SLC9A9: variants seen among roughly 807,000 people sequenced by gnomAD.
The protein encoded by SLC9A9 is sodium/hydrogen exchanger 9.
SLC9A9 carries 62 observed loss-of-function variants against 77.8 expected under a neutral mutation model. The observed-to-expected ratio is 0.80, with a 90% confidence interval of 0.65 to 0.98. SLC9A9 has a LOEUF of 0.98. SLC9A9 is among the 50% of genes least tolerant of loss of function. The pLI is 0.00. For synonymous variants in SLC9A9, 320 were observed against 283.5 expected, an observed-to-expected ratio of 1.13 and a Z score of -1.29; for missense variants, 775 against 774.9, an observed-to-expected ratio of 1.00 and a Z score of 0.00.
intron 6 of SLC9A9, among the ~76,000 whole-genome samples, chr3:143,580,549 G>A (rs1459005861): frequency 6.6e-6 from 1 of 152,034 alleles, no homozygotes. Flanking sequence ...TCAAATTCAG[G>A]AGATTTTATT....
intron 6 of SLC9A9, among the ~76,000 whole-genome samples, chr3:143,641,246 A>G (rs2038615954): frequency 6.6e-6 from 1 of 152,108 alleles, no homozygotes; most frequent in Non-Finnish European, 1.5e-5. Context: ...CCCATGGAAG[A>G]TACTTTACCA....
At chr3:143,377,363 G>A (rs1215105969) in intron 13 of SLC9A9, among the ~76,000 whole-genome samples, 1 of 152,130 alleles carries the variant, frequency 6.6e-6, no homozygotes, top group East Asian at 1.9e-4. Flanking sequence ...ATACTTTGTT[G>A]TGCCCCTTCG....
intron 8 of SLC9A9, among the ~76,000 whole-genome samples, chr3:143,571,692 G>T (rs2037260699): frequency 1.3e-5 from 2 of 151,968 alleles, no homozygotes; most frequent in African/African-American, 4.8e-5. Context: ...GGCTTTGACT[G>T]CCAGAAAGCT....
intron 14 of SLC9A9, among the ~76,000 whole-genome samples, chr3:143,326,926 A>C (rs543363495): frequency 6.6e-6 from 1 of 152,288 alleles, no homozygotes; most frequent in South Asian, 2.1e-4. Context: ...CTATTAGGGG[A>C]CCACTTTCTC....
At chr3:143,355,553 G>T (rs1434436704) in intron 14 of SLC9A9, among the ~76,000 whole-genome samples, 1 of 152,154 alleles carries the variant, frequency 6.6e-6, no homozygotes. Context: ...ATAGCTTCTG[G>T]CCACAGACCA....
intron 2 of SLC9A9, among the ~76,000 whole-genome samples, chr3:143,809,224 T>G (rs2008801259): frequency 6.6e-6 from 1 of 152,240 alleles, no homozygotes; most frequent in African/African-American, 2.4e-5. Context: ...CAGCAGTTTT[T>G]CTGCAAAAAT....
At chr3:143,267,702 G>T (rs1937772677) in intron 15 of SLC9A9, among the ~76,000 whole-genome samples, 1 of 152,170 alleles carries the variant, frequency 6.6e-6, no homozygotes, top group Admixed American at 6.5e-5. Flanking sequence ...TATTTCTTGG[G>T]AAGAGTATCA....
At chr3:143,574,027 A>T in intron 8 of SLC9A9, 61 bp downstream of exon 8, 1 of 1,442,836 alleles carries the variant, frequency 6.9e-7, no homozygotes, top group Non-Finnish European at 9.7e-7. Context: ...AGGGAGGGGC[A>T]CACACCAGAG....
chr3:143,664,094 C>A (rs962121100), intron 5 of SLC9A9, among the ~76,000 whole-genome samples: 2 of 152,060 alleles, frequency 1.3e-5, no homozygotes, highest in African/African-American at 4.8e-5. Flanking sequence ...GGTCAGGTTG[C>A]CCACAAAGGG....
chr3:143,421,343 A>G (rs2034293194), intron 12 of SLC9A9, among the ~76,000 whole-genome samples: 1 of 152,246 alleles, frequency 6.6e-6, no homozygotes, highest in South Asian at 2.1e-4. Context: ...AGTTGAAGAC[A>G]TCACATTGTC....
rs566799530 is a variant in SLC9A9 at position 143,652,322 on chromosome 3, G to T, written c.688C>A (p.Pro230Thr). The T allele has an allele frequency of 8.7e-6, 14 of 1,613,160 alleles. No homozygotes were observed. In the South Asian group the frequency reaches 8.8e-5, roughly 10 times the overall value. ...CCAAACAAGAGTGTGTACAGGTCAG[G>T]GTCGACGTGCAGTTCATGGAAAATG... ...LAIFHELHVDPDLYTLLFGES... is the reference protein window; with the variant it reads ...LAIFHELHVDTDLYTLLFGES... Residue 230 changes from proline (P) to threonine (T), a missense_variant, in exon 6 of 16, where the codon CCT becomes ACT. Physicochemically the swap from Pro to Thr is conservative, Grantham distance 38. Transcript: ENST00000316549.
intron 2 of SLC9A9, among the ~76,000 whole-genome samples, chr3:143,823,522 C>T (rs2009223662): frequency 6.6e-6 from 1 of 152,122 alleles, no homozygotes; most frequent in South Asian, 2.1e-4. Context: ...TCAGAAAAGA[C>T]ACAAAGGATA....
At chr3:143,744,403 A>T (rs895573832) in intron 4 of SLC9A9, among the ~76,000 whole-genome samples, 3 of 151,906 alleles carry the variant, frequency 2.0e-5, no homozygotes, top group African/African-American at 7.3e-5. Context: ...TAATTTTGGG[A>T]CTCCAGGCTG....
chr3:143,548,689 G>A (rs1325333584), intron 9 of SLC9A9, among the ~76,000 whole-genome samples: 1 of 152,134 alleles, frequency 6.6e-6, no homozygotes, highest in African/African-American at 2.4e-5. Flanking sequence ...ACATAGCGAT[G>A]TTACATGTGT....
At chr3:143,587,344 A>G (rs566394695) in intron 6 of SLC9A9, among the ~76,000 whole-genome samples, 2 of 152,396 alleles carry the variant, frequency 1.3e-5, no homozygotes, top group East Asian at 3.9e-4. Flanking sequence ...ATTCAATGAC[A>G]AGGATTGAAA....
chr3:143,794,957 A>G (rs1488076718), intron 4 of SLC9A9, 44 bp downstream of exon 4: 1 of 1,557,804 alleles, frequency 6.4e-7, no homozygotes, highest in Non-Finnish European at 8.9e-7. Context: ...CACAGATCAC[A>G]GACCCCACAG....
At chr3:143,483,186 T>A (rs2035600310) in intron 11 of SLC9A9, among the ~76,000 whole-genome samples, 1 of 152,248 alleles carries the variant, frequency 6.6e-6, no homozygotes, top group Non-Finnish European at 1.5e-5. Context: ...TCGTCATGTG[T>A]GTAGACGATT....
intron 12 of SLC9A9, among the ~76,000 whole-genome samples, chr3:143,449,942 ATT>A (rs1173740342): frequency 1.1e-4 from 10 of 88,620 alleles, no homozygotes; most frequent in African/African-American, 5.2e-4. Flanking sequence ...ATGTATATAT[ATT>A]ATAATATACA....
intron 4 of SLC9A9, among the ~76,000 whole-genome samples, chr3:143,710,596 A>G (rs1339934667): frequency 1.3e-5 from 2 of 152,210 alleles, no homozygotes; most frequent in African/African-American, 4.8e-5. Flanking sequence ...TTAAAACTAT[A>G]GAAACCAAGA....
Sources: gnomAD v4.1 joint callset for allele counts (sites outside exome capture counted in the v4.1 genomes callset) on GRCh38, gnomAD v4.1.1 for gene constraint, MANE v1.5 for transcripts, NCBI Gene and HGNC (gene_info 2026-07-23, HGNC 2026-07-21) for gene names.